ACTN2: variants seen among roughly 807,000 people sequenced by gnomAD.
The protein encoded by ACTN2 is actinin alpha 2.
ACTN2 carries 39 observed loss-of-function variants against 113.8 expected under a neutral mutation model. The ratio of observed to expected loss-of-function variants is 0.34; its 90% CI spans 0.27 to 0.45. The LOEUF is 0.45. Ranked by LOEUF, ACTN2 falls within the 20% of genes least tolerant of loss-of-function variation. The pLI is 1.00. For synonymous variants in ACTN2, 429 were observed against 444.1 expected (o/e 0.97, Z 0.43); for missense variants, 992 against 1,177.9 (o/e 0.84, Z 2.31).
At chr1:236,710,608 A>G (rs920873391) in intron 1 of ACTN2, among the ~76,000 whole-genome samples, 1 of 152,208 alleles carries the variant, frequency 6.6e-6, no homozygotes, top group Non-Finnish European at 1.5e-5. Flanking sequence ...AGGGGCTCAC[A>G]ACGCCCAGAC....
intron 1 of ACTN2, among the ~76,000 whole-genome samples, chr1:236,707,715 T>C (rs1201798632): frequency 2.6e-4 from 35 of 133,590 alleles, no homozygotes; most frequent in Non-Finnish European, 3.5e-4. Flanking sequence ...TTTTCTTTTT[T>C]TTTTTTTTTT....
At chr1:236,703,859 AATTAGGAGACTGAGT>A (rs1174475639) in intron 1 of ACTN2, among the ~76,000 whole-genome samples, 1 of 152,140 alleles carries the variant, frequency 6.6e-6, no homozygotes, top group Non-Finnish European at 1.5e-5. Context: ...GAAAAATCAG[AATTAGGAGACTGAGT>A]ATTAAGGACT....
chr1:236,736,512 A>G lies in ACTN2; in HGVS notation c.784-610A>G, dbSNP rs1200216190. ...CTCCTGCCCCAAGTTCCTTTCCACG[A>G]AAGATGACAGAGAATTGTGTATTAC... On this transcript the variant is annotated intron_variant, in intron 8 of 20. Coordinates refer to ENST00000366578, the MANE Select transcript of ACTN2 (RefSeq NM_001103.4). 3 of 1,279,296 alleles carry G rather than the reference A, an allele frequency of 2.3e-6. No homozygotes were observed. In the South Asian group the frequency reaches 4.0e-5, roughly 17 times the overall value. 79.2% of individuals were successfully genotyped at this position (1,279,296 alleles called of 1,614,324 possible).
intron 15 of ACTN2, among the ~76,000 whole-genome samples, chr1:236,752,626 A>T (rs140893674): frequency 7.2e-5 from 11 of 152,234 alleles, no homozygotes; most frequent in African/African-American, 2.6e-4. Flanking sequence ...ATCTCGGCTC[A>T]TTGCAACCTC....
chr1:236,744,512 T>C, intron 11 of ACTN2, 114 bp from the exon 12 acceptor site: 4 of 1,303,210 alleles, frequency 3.1e-6, no homozygotes, highest in Non-Finnish European at 4.3e-6. Flanking sequence ...CCTGCCCCTC[T>C]CTGTCCCCTT....
At position 236,735,708 on chromosome 1, in the gene ACTN2, G is replaced by T. The variant is rs201545916; in HGVS notation, c.771G>T (p.Ala257=). Residue 257 remains alanine, a synonymous_variant, in exon 8 of 21, where the codon GCG becomes GCT. Transcript: ENST00000366578. The part of the protein sequence containing the change: ...TYVSCFYHAF[A]GAEQAETAAN... ...TCTCTTGCTTCTACCACGCTTTTGC[G>T]GGCGCGGAGCAGGTACTCAACACTT... 1.2e-6 allele frequency: 2 copies of T among 1,614,100 alleles called. No homozygotes were observed. Among genetic ancestry groups the T allele is most frequent in the Admixed American group, 1.7e-5 (1 of 60,018 alleles).
intron 4 of ACTN2, 39 bp from the exon 5 acceptor site, chr1:236,725,894 C>T (rs1658536045): frequency 6.3e-7 from 1 of 1,588,312 alleles, no homozygotes; most frequent in Admixed American, 1.7e-5. Context: ...AACTAAGCGG[C>T]ATTTCCCTGG....
chr1:236,689,031 G>A (rs1665974044), intron 1 of ACTN2, among the ~76,000 whole-genome samples: 1 of 152,026 alleles, frequency 6.6e-6, no homozygotes, highest in Admixed American at 6.6e-5. Flanking sequence ...CTTGCTCTGT[G>A]GTGTGGAAGG....
intron 3 of ACTN2, among the ~76,000 whole-genome samples, chr1:236,719,604 C>A (rs10925204): frequency 2.0e-5 from 3 of 152,048 alleles, no homozygotes; most frequent in African/African-American, 7.3e-5. Context: ...GCCTGGCCAA[C>A]GTGGTGAAAC....
At chr1:236,744,060 C>T (rs74403407) in intron 11 of ACTN2, among the ~76,000 whole-genome samples, 1,533 of 152,204 alleles carry the variant, frequency 0.01, 26 homozygotes, top group African/African-American at 0.034. Flanking sequence ...CACTCGTGAC[C>T]ACAGCAGTTA....
chr1:236,737,287 C>A (rs1658908476), intron 9 of ACTN2, 73 bp downstream of exon 9: 1 of 504,086 alleles, frequency 2.0e-6, no homozygotes, highest in South Asian at 1.5e-5. Flanking sequence ...TGAAAAAATA[C>A]TCCGTGGGGG....
chr1:236,762,300 T>G (rs1558252665), intron 20 of ACTN2, among the ~76,000 whole-genome samples, 161 bp from the exon 21 acceptor site: 1 of 152,240 alleles, frequency 6.6e-6, no homozygotes, highest in African/African-American at 2.4e-5. Flanking sequence ...CAAGTAAAAC[T>G]TGGCTTTCTG....
chr1:236,727,564 C>T, intron 5 of ACTN2, 114 bp from the exon 6 acceptor site: 1 of 1,048,942 alleles, frequency 9.5e-7, no homozygotes, highest in Non-Finnish European at 1.5e-6. Flanking sequence ...CTACATGGGG[C>T]CCTCCGTGCA....
intron 1 of ACTN2, among the ~76,000 whole-genome samples, chr1:236,710,562 T>C (rs987540991): frequency 1.3e-5 from 2 of 152,240 alleles, no homozygotes; most frequent in African/African-American, 4.8e-5. Context: ...CCACCATGTT[T>C]TGGAGGTTGA....
intron 12 of ACTN2, among the ~76,000 whole-genome samples, chr1:236,745,911 C>T (rs1363232563): frequency 2.0e-5 from 3 of 151,914 alleles, no homozygotes; most frequent in Non-Finnish European, 4.4e-5. Flanking sequence ...CGCCTGTAAC[C>T]CCAGCACTTT....
chr1:236,731,641 A>G (rs1270910455), intron 7 of ACTN2, among the ~76,000 whole-genome samples: 3 of 152,224 alleles, frequency 2.0e-5, no homozygotes, highest in Admixed American at 6.5e-5. Flanking sequence ...TTTTTCCAAC[A>G]ACATAATGTT....
chr1:236,750,484 G>A (rs1475720776), intron 14 of ACTN2, among the ~76,000 whole-genome samples: 1 of 152,166 alleles, frequency 6.6e-6, no homozygotes, highest in Non-Finnish European at 1.5e-5. Context: ...CGCCTTGGAA[G>A]TCACACTCTT....
Position 236,761,187 on chromosome 1 carries a change from G to T in ACTN2, c.2526+14G>T, listed in dbSNP as rs750980164. On this transcript the variant is annotated intron_variant, in intron 20 of 20. Coordinates refer to ENST00000366578, the MANE Select transcript of ACTN2 (RefSeq NM_001103.4). ...GCTTCTGATAAGGTCTGCATTGACA[G>T]ATTTCCTTCTGCTTTAGCAGGAGTC... The T allele has an allele frequency of 6.2e-7, 1 of 1,613,958 alleles. No homozygotes were observed. Among genetic ancestry groups the T allele is most frequent in the Non-Finnish European group, 8.5e-7 (1 of 1,180,034 alleles).
At chr1:236,751,340 C>A in intron 14 of ACTN2, 130 bp from the exon 15 acceptor site, 1 of 1,152,690 alleles carries the variant, frequency 8.7e-7, no homozygotes, top group Non-Finnish European at 1.3e-6. Context: ...CTAAAGCATT[C>A]AGAATGTGTT....
Sources: allele counts gnomAD v4.1 joint callset (sites outside exome capture counted in the v4.1 genomes callset), GRCh38; gene constraint gnomAD v4.1.1; transcripts MANE v1.5; gene names NCBI Gene and HGNC (gene_info 2026-07-23, HGNC 2026-07-21).